The following TNRC6B variants were observed in gnomAD, a reference collection of about 807,000 sequenced individuals.
TNRC6B encodes trinucleotide repeat containing adaptor 6B.
In TNRC6B, 52 loss-of-function variants were observed where a neutral mutation model predicts 203.6. The observed-to-expected ratio is 0.26, with a 90% confidence interval of 0.20 to 0.32. The LOEUF (loss-of-function observed/expected upper bound fraction) is 0.32, where lower values mean the gene tolerates loss of function less well. Among genes scored for constraint, TNRC6B ranks in the 10% least tolerant of loss-of-function variants. The probability of loss-of-function intolerance (pLI) is 1.00; values close to 1 mark genes in which losing one functional copy is unlikely to be tolerated. For missense variants in TNRC6B, 1,923 were observed against 2,286.2 expected (o/e 0.84, Z 3.24); for synonymous variants, 838 against 845.7 (o/e 0.99, Z 0.16).
At chr22:40,064,116 T>C (rs896841728) in intron 1 of TNRC6B, among the ~76,000 whole-genome samples, 1 of 152,250 alleles carries the variant, frequency 6.6e-6, no homozygotes, top group Non-Finnish European at 1.5e-5. Flanking sequence ...GAAAACTTGC[T>C]GAACTCATTT....
In TNRC6B at chr22:40,330,686, C is replaced by T. The variant is rs2071455637; in HGVS notation, c.*7445C>T. ...ATCCACCGCCCTTTTTAAATTTTGT[C>T]TAAGGAATTACTTAAGTATAGTATT... is the stretch of plus-strand genomic sequence containing the variant. On this transcript the variant is annotated 3_prime_UTR_variant, in exon 23 of 23. Coordinates refer to ENST00000454349, the MANE Select transcript of TNRC6B (RefSeq NM_001162501.2). The T allele has an allele frequency of 6.6e-6, 1 of 152,598 alleles. No homozygotes were observed. The highest frequency in any genetic ancestry group is 1.5e-5 in the Non-Finnish European group (1 of 68,024). The allele number at this position is 152,598 out of a possible 1,614,324, so 9.5% of individuals were successfully genotyped here.
chr22:40,223,023 A>C (rs566634690), intron 1 of TNRC6B, among the ~76,000 whole-genome samples: 4 of 152,030 alleles, frequency 2.6e-5, no homozygotes, highest in African/African-American at 9.7e-5. Context: ...CTGGGATTAT[A>C]GGCATGAGCC....
chr22:40,177,910 A>G, upstream of TNRC6B: 1 of 1,342,188 alleles, frequency 7.5e-7, no homozygotes, highest in Non-Finnish European at 9.5e-7. Flanking sequence ...AAGGTCACAA[A>G]AAGCTGCTTC....
At chr22:40,230,961 C>A (rs2069861488) in intron 1 of TNRC6B, among the ~76,000 whole-genome samples, 1 of 152,108 alleles carries the variant, frequency 6.6e-6, no homozygotes, top group South Asian at 2.1e-4. Flanking sequence ...GATATTCCTA[C>A]TAGTTATTCT....
chr22:40,163,456 CAA>C (rs1180212519), intron 4 of TNRC6B, among the ~76,000 whole-genome samples: 1 of 7,000 alleles, frequency 1.4e-4, no homozygotes, highest in South Asian at 0.011. Flanking sequence ...GACCCTGTCT[CAA>C]AAAAAAAAAA....
rs374924802 is a variant in TNRC6B, at chr22:40,265,432, G to A, written c.1202G>A (p.Gly401Glu). 3.7e-6 allele frequency: 6 copies of A among 1,613,844 alleles called. No individual in the cohort carries two copies. The highest frequency in any genetic ancestry group is 4.2e-6 in the Non-Finnish European group (5 of 1,179,906). Residue 401 changes from glycine to glutamate, a missense_variant, in exon 5 of 23, where the codon GGG becomes GAG. By Grantham distance (98) the Gly-to-Glu change is moderately conservative. This residue lies in a region of TNRC6B where 614 missense variants were observed against 587.7 expected (regional missense o/e 1.04). Coordinates refer to ENST00000454349, the MANE Select transcript of TNRC6B (RefSeq NM_001162501.2). The stretch of plus-strand genomic sequence containing the variant: ...GGAATGCCCTTTGGAATGGGCTTGG[G>A]GAACACCTCCAGGAGCACTGATGCC... ...NKGMPFGMGLGNTSRSTDAPS... is the reference protein window; with the variant it reads ...NKGMPFGMGLENTSRSTDAPS...
chr22:40,054,430 T>C (rs138115638), intron 1 of TNRC6B, among the ~76,000 whole-genome samples: 186 of 152,310 alleles, frequency 1.2e-3, no homozygotes, highest in Non-Finnish European at 2.0e-3. Flanking sequence ...TCCTTGAGCA[T>C]ACTATTCTCA....
At chr22:40,125,969 G>T (rs2068489370) in intron 3 of TNRC6B, 2 of 1,118,466 alleles carry the variant, frequency 1.8e-6, no homozygotes, top group Admixed American at 6.4e-5. Context: ...ATTCGATTGA[G>T]TTAAATTAGA....
intron 21 of TNRC6B, among the ~76,000 whole-genome samples, chr22:40,318,351 T>C (rs1282564254): frequency 6.6e-6 from 1 of 151,994 alleles, no homozygotes; most frequent in East Asian, 1.9e-4. Context: ...ATCGAGACCA[T>C]CCTGGCTAAC....
At position 40,323,204 on chromosome 22, in the gene TNRC6B, C is replaced by G. The variant is rs1347685467; in HGVS notation, c.5465C>G (p.Pro1822Arg). ...HRMGSPAPLL[P>R]GDLLGGGSDS... The stretch of plus-strand genomic sequence containing the variant: ...ATGGGCAGCCCTGCTCCTTTACTAC[C>G]TGGTGACCTTCTGGGAGGAGGGTCG... Residue 1822 changes from proline (P) to arginine (R), a missense_variant, in exon 23 of 23, where the codon CCT becomes CGT. Physicochemically the swap from Pro to Arg is moderately radical, Grantham distance 103 (BLOSUM62 -2). Coordinates refer to ENST00000454349, the MANE Select transcript of TNRC6B (RefSeq NM_001162501.2). 1 of 1,613,398 alleles carries G rather than the reference C, an allele frequency of 6.2e-7. No individual in the cohort carries two copies. The highest frequency in any genetic ancestry group is 1.1e-5 in the South Asian group (1 of 91,058).
chr22:40,231,220 G>A (rs1003861678), intron 1 of TNRC6B, among the ~76,000 whole-genome samples: 1 of 152,128 alleles, frequency 6.6e-6, no homozygotes, highest in Non-Finnish European at 1.5e-5. Context: ...TATAGTTGCT[G>A]ACTATTCTGA....
At chr22:40,102,706 G>A (rs1011123400) in intron 1 of TNRC6B, among the ~76,000 whole-genome samples, 6 of 152,144 alleles carry the variant, frequency 3.9e-5, no homozygotes, top group Non-Finnish European at 8.8e-5. Flanking sequence ...GAGAGGCTGA[G>A]ATGGGGAGAC....
chr22:40,316,948 T>G (rs2071268604), intron 21 of TNRC6B, among the ~76,000 whole-genome samples: 1 of 152,118 alleles, frequency 6.6e-6, no homozygotes, highest in South Asian at 2.1e-4. Context: ...TAGGGTGGTA[T>G]TTTCTGGTGA....
At chr22:40,294,094 A>T (rs2070906658) in intron 12 of TNRC6B, among the ~76,000 whole-genome samples, 1 of 150,798 alleles carries the variant, frequency 6.6e-6, no homozygotes, top group Non-Finnish European at 1.5e-5. Context: ...AAAAAAAAAA[A>T]ATACAAAAAT....
intron 3 of TNRC6B, among the ~76,000 whole-genome samples, chr22:40,256,356 GTTTTGTTTTT>G (rs1376754748): frequency 6.6e-6 from 1 of 152,058 alleles, no homozygotes; most frequent in Non-Finnish European, 1.5e-5. Flanking sequence ...GTTTTGTTTT[GTTTTGTTTTT>G]AAGCCACTAC....
At chr22:40,119,138 G>A (rs1429500468) in intron 2 of TNRC6B, among the ~76,000 whole-genome samples, 1 of 152,206 alleles carries the variant, frequency 6.6e-6, no homozygotes, top group Non-Finnish European at 1.5e-5. Context: ...CACAGGTACT[G>A]TAGGACATTA....
At chr22:40,278,607 A>C (rs985707108) in intron 9 of TNRC6B, among the ~76,000 whole-genome samples, 1 of 150,956 alleles carries the variant, frequency 6.6e-6, no homozygotes, top group Non-Finnish European at 1.5e-5. Context: ...TTAACTGTGG[A>C]GCGTCCACCT....
chr22:40,133,911 G>A (rs1412003234), intron 3 of TNRC6B, among the ~76,000 whole-genome samples: 2 of 146,030 alleles, frequency 1.4e-5, no homozygotes, highest in African/African-American at 2.6e-5. Context: ...CGGAGGTTGT[G>A]GTGAGCCGAG....
At chr22:40,195,756 ATTTTGTTTTG>A (rs561178664) in intron 1 of TNRC6B, among the ~76,000 whole-genome samples, 18 of 149,366 alleles carry the variant, frequency 1.2e-4, no homozygotes, top group Non-Finnish European at 1.9e-4. Flanking sequence ...CCTCAGCTTT[ATTTTGTTTTG>A]TTTTGTTTTG....
Sources: allele counts gnomAD v4.1 joint callset (sites outside exome capture counted in the v4.1 genomes callset), GRCh38; gene constraint gnomAD v4.1.1; regional missense constraint gnomAD v4.1.1; transcripts MANE v1.5; gene names NCBI Gene and HGNC (gene_info 2026-07-23, HGNC 2026-07-21).